The following ADCY9 variants were observed in gnomAD, a reference collection of about 807,000 sequenced individuals.
The protein encoded by ADCY9 is adenylate cyclase 9.
ADCY9 carries 50 observed loss-of-function variants against 101.5 expected under a neutral mutation model. The observed-to-expected ratio is 0.49, with a 90% CI of 0.39 to 0.62. The LOEUF (loss-of-function observed/expected upper bound fraction) is 0.62, where lower values mean the gene tolerates loss of function less well. Among genes scored for constraint, ADCY9 ranks in the 20% least tolerant of loss-of-function variants. ADCY9 has a pLI of 0.00. For synonymous variants in ADCY9, 905 were observed against 769.3 expected, an observed-to-expected ratio of 1.18 and a Z score of -2.92; for missense variants, 1,662 against 1,800.4, an observed-to-expected ratio of 0.92 and a Z score of 1.39.
intron 2 of ADCY9, among the ~76,000 whole-genome samples, chr16:4,098,462 G>A (rs939287577): frequency 2.0e-5 from 3 of 152,104 alleles, no homozygotes; most frequent in African/African-American, 2.4e-5. Flanking sequence ...TCAAACTCCC[G>A]ACCTCAGGTG....
rs115162267 is a variant in ADCY9 at position 3,992,398 on chromosome 16, G to A, written c.1990-35C>T. 2.5e-6 allele frequency: 4 copies of A among 1,597,220 alleles called. No homozygotes were observed. Among genetic ancestry groups the A allele is most frequent in the African/African-American group, 1.3e-5 (1 of 74,658 alleles). On this transcript the variant is annotated intron_variant, in intron 4 of 10. Coordinates refer to ENST00000294016, the MANE Select transcript of ADCY9 (RefSeq NM_001116.4). The surrounding 1 kb of genome is among the most constrained non-coding windows in gnomAD (Gnocchi z 4.2). ...GACAAAGAGGACGCAGACACGGGAA[G>A]TGAAGTGGCACCGGGCACTGGGCAC...
In ADCY9 at chr16:4,101,475, C is replaced by T. The variant is rs1052535285; in HGVS notation, c.1693+12275G>A. ...TTTATTATTTTTAGAGACAGGGTCTCACTATGTTGCCCAGACTGGTCTCGA... is the reference window on the plus strand; with the variant it reads ...TTTATTATTTTTAGAGACAGGGTCTTACTATGTTGCCCAGACTGGTCTCGA... On this transcript the variant is annotated intron_variant, in intron 2 of 10. Transcript: ENST00000294016. Among the ~76,000 whole-genome samples the T allele has an allele frequency of 2.0e-5, 3 of 152,046 alleles. No individual in the cohort carries two copies. In the South Asian group the frequency reaches 6.2e-4, roughly 32 times the overall value.
At chr16:4,077,970 G>A (rs1024697614) in intron 2 of ADCY9, among the ~76,000 whole-genome samples, 10 of 150,176 alleles carry the variant, frequency 6.7e-5, no homozygotes, top group Admixed American at 4.7e-4. Flanking sequence ...CTGCACTCCA[G>A]CCTGGGCAAT....
intron 2 of ADCY9, among the ~76,000 whole-genome samples, chr16:4,109,912 T>A (rs140521650): frequency 1.3e-5 from 2 of 152,270 alleles, no homozygotes; most frequent in East Asian, 3.9e-4. Context: ...GCAAACTCCT[T>A]CCCACGCTAC....
intron 2 of ADCY9, among the ~76,000 whole-genome samples, chr16:4,011,104 G>A (rs933428426): frequency 1.3e-5 from 2 of 152,140 alleles, no homozygotes; most frequent in East Asian, 3.9e-4. Flanking sequence ...CCTCCACACG[G>A]AGAACTGAAA....
chr16:3,990,263 C>G (rs901727932), intron 5 of ADCY9, among the ~76,000 whole-genome samples: 1 of 152,010 alleles, frequency 6.6e-6, no homozygotes, highest in African/African-American at 2.4e-5. Flanking sequence ...GTCAGGAGCT[C>G]GGGACCAGCC....
At chr16:3,974,848 C>T (rs2056081030) in intron 9 of ADCY9, 138 bp from the exon 10 acceptor site, 1 of 654,850 alleles carries the variant, frequency 1.5e-6, no homozygotes, top group Admixed American at 2.5e-5. Flanking sequence ...CTGCTCCCAC[C>T]TCTTTCTTCA....
intron 10 of ADCY9, among the ~76,000 whole-genome samples, chr16:3,967,422 T>C (rs1279106996): frequency 1.3e-5 from 2 of 152,062 alleles, no homozygotes; most frequent in Non-Finnish European, 2.9e-5. Flanking sequence ...TTTAGAGACA[T>C]GGTTGTTGTC....
intron 2 of ADCY9, among the ~76,000 whole-genome samples, chr16:4,086,047 G>T (rs1235238291): frequency 6.6e-6 from 1 of 152,016 alleles, no homozygotes; most frequent in African/African-American, 2.4e-5. Context: ...ACCAGCCCTG[G>T]TCAGCGTACT....
intron 2 of ADCY9, among the ~76,000 whole-genome samples, chr16:4,057,515 G>A (rs1051411285): frequency 6.6e-6 from 1 of 152,046 alleles, no homozygotes; most frequent in African/African-American, 2.4e-5. Context: ...TTCTGTCTCT[G>A]TTTCTTTCCC....
chr16:4,039,195 T>A (rs1371920655), intron 2 of ADCY9, among the ~76,000 whole-genome samples: 1 of 152,076 alleles, frequency 6.6e-6, no homozygotes, highest in African/African-American at 2.4e-5. Flanking sequence ...CCCAAGCCCC[T>A]TTCCACCCCC....
chr16:3,993,243 C>T, intron 4 of ADCY9, 163 bp downstream of exon 4: 1 of 1,301,010 alleles, frequency 7.7e-7, no homozygotes. Context: ...CTCCCTCGAG[C>T]TCCCTGCCGG....
intron 2 of ADCY9, among the ~76,000 whole-genome samples, chr16:4,075,459 TACTAAATTAACC>T: frequency 2.6e-5 from 4 of 152,280 alleles, no homozygotes; most frequent in African/African-American, 9.6e-5. Flanking sequence ...TTTAATCTCT[TACTAAATTAACC>T]ACTAAATTAA....
downstream of ADCY9, among the ~76,000 whole-genome samples, chr16:3,959,854 T>C (rs551145995): frequency 1.3e-5 from 2 of 151,902 alleles, no homozygotes; most frequent in Non-Finnish European, 2.9e-5. Context: ...GGTGAAACCC[T>C]ATCTCTATTA....
intron 2 of ADCY9, among the ~76,000 whole-genome samples, chr16:4,073,176 C>T (rs2056845779): frequency 6.6e-6 from 1 of 152,030 alleles, no homozygotes; most frequent in Non-Finnish European, 1.5e-5. Flanking sequence ...CTCTCTGCAA[C>T]CTCCGCCTCC....
In ADCY9 at chr16:3,993,478, G is replaced by T. The variant is rs757885231; in HGVS notation, c.1917C>A (p.Pro639=). The part of the protein sequence containing the change: ...TCPSCGITFA[P]KSEAGAEGGA... ...CTCCCTCGGCGCCGGCTTCAGATTT[G>T]GGAGCAAATGTGATTCCGCACGAAG... Residue 639 remains proline (P), a synonymous_variant, in exon 4 of 11, where the codon CCC becomes CCA. Coordinates refer to ENST00000294016, the MANE Select transcript of ADCY9 (RefSeq NM_001116.4). 2 of 1,614,158 alleles carry T rather than the reference G, an allele frequency of 1.2e-6. No homozygotes were observed. The highest frequency in any genetic ancestry group is 3.3e-5 in the Admixed American group (2 of 60,022).
intron 2 of ADCY9, among the ~76,000 whole-genome samples, chr16:4,031,553 T>C (rs1431982407): frequency 6.6e-6 from 1 of 152,246 alleles, no homozygotes; most frequent in Non-Finnish European, 1.5e-5. Flanking sequence ...TATACTATTA[T>C]TTCAACTTTT....
intron 2 of ADCY9, among the ~76,000 whole-genome samples, chr16:4,092,056 G>A (rs2056976868): frequency 6.6e-6 from 1 of 152,250 alleles, no homozygotes. Flanking sequence ...ATCATCTGAA[G>A]CCAGGAGTAC....
At chr16:4,100,772 C>T (rs1475813176) in intron 2 of ADCY9, among the ~76,000 whole-genome samples, 1 of 144,446 alleles carries the variant, frequency 6.9e-6, no homozygotes, top group Non-Finnish European at 1.5e-5. Flanking sequence ...AAGAAAAAAA[C>T]AAACTCAGTC....
Sources: allele counts gnomAD v4.1 joint callset (sites outside exome capture counted in the v4.1 genomes callset), GRCh38; gene constraint gnomAD v4.1.1; non-coding constraint Gnocchi (gnomAD v3.1); transcripts MANE v1.5; gene names NCBI Gene and HGNC (gene_info 2026-07-23, HGNC 2026-07-21).